Variants in DIRAS1 observed in about 807,000 individuals in gnomAD.
DIRAS1 encodes DIRAS family GTPase 1.
A neutral mutation model predicts 11.5 loss-of-function variants in DIRAS1; 3 were observed. The observed-to-expected ratio is 0.26, with a 90% CI of 0.12 to 0.67. The LOEUF (loss-of-function observed/expected upper bound fraction) is 0.67. Ranked by LOEUF, DIRAS1 falls within the 30% of genes least tolerant of loss-of-function variation. DIRAS1 has a pLI of 0.80. For missense variants in DIRAS1, 212 were observed against 285.3 expected, an observed-to-expected ratio of 0.74 and a Z score of 1.85; for synonymous variants, 128 against 125.8, an observed-to-expected ratio of 1.02 and a Z score of -0.12.
Position 2,717,504 on chromosome 19 carries a change from G to A in DIRAS1, c.303C>T (p.Tyr101=). 3.1e-6 allele frequency: 5 copies of A among 1,612,860 alleles called. No individual in the cohort carries two copies. The highest frequency in any genetic ancestry group is 4.2e-6 in the Non-Finnish European group (5 of 1,179,978). Residue 101 remains tyrosine, a synonymous_variant, in exon 2 of 2, where the codon TAC becomes TAT. Coordinates refer to ENST00000323469, the MANE Select transcript of DIRAS1 (RefSeq NM_145173.4). ...TGCCCTTGATCTGCACGATGAGCTT[G>A]TAGATGGGCCCCAGCTCCTCCAGCG... ...KQSLEELGPI[Y]KLIVQIKGSV... is the part of the protein sequence containing the mutation.
Position 2,717,408 on chromosome 19 carries a change from G to C in DIRAS1, c.399C>G (p.Arg133=). ...ACTCCTGGGCCACCGCCTGCGCCTC[G>C]CGCGTGTCCACCTCCCGCTGCGTCT... ...CDETQREVDT[R]EAQAVAQEWK... The change falls in exon 2 of 2, where the codon CGC becomes CGG. Residue 133 remains arginine, a synonymous_variant. Coordinates refer to ENST00000323469, the MANE Select transcript of DIRAS1 (RefSeq NM_145173.4). 2.5e-6 allele frequency: 4 copies of C among 1,607,674 alleles called. No individual in the cohort carries two copies. Among genetic ancestry groups the C allele is most frequent in the Non-Finnish European group, 3.4e-6 (4 of 1,179,984 alleles).
chr19:2,717,525 C>T lies in DIRAS1; in HGVS notation c.282G>A (p.Leu94=), dbSNP rs910246861. 9.9e-6 allele frequency: 16 copies of T among 1,612,996 alleles called. No individual in the cohort carries two copies. The Admixed American group carries it at 2.2e-4, about 22-fold the overall frequency. The change falls in exon 2 of 2, where the codon CTG becomes CTA. Residue 94 remains leucine, a synonymous_variant. Transcript: ENST00000323469. ...GCTTGTAGATGGGCCCCAGCTCCTC[C>T]AGCGACTGCTTGCTGGTGACGGAGA... ...LVFSVTSKQS[L]EELGPIYKLI... is the part of the protein sequence containing the mutation.
At position 2,716,221 on chromosome 19, in the gene DIRAS1, G is replaced by C. The variant is rs531064264; in HGVS notation, c.*989C>G. On this transcript the variant is annotated 3_prime_UTR_variant, in exon 2 of 2. Transcript: ENST00000323469. The stretch of plus-strand genomic sequence containing the variant: ...CTCGACTCCAGGACGCCACCTTCCC[G>C]GGCAGGCCCTGCTCTCTGGGGCACA... 1 of 152,360 alleles carries C rather than the reference G, an allele frequency of 6.6e-6. No individual in the cohort carries two copies. Among genetic ancestry groups the C allele is most frequent in the Non-Finnish European group, 1.5e-5 (1 of 68,132 alleles). 9.4% of individuals were successfully genotyped at this position (152,360 alleles called of 1,614,324 possible).
Position 2,718,115 on chromosome 19 carries a change from G to C in DIRAS1, c.-69-240C>G, listed in dbSNP as rs929993478. Among the ~76,000 whole-genome samples the C allele has an allele frequency of 2.6e-5, 4 of 152,232 alleles. No individual in the cohort carries two copies. The highest frequency in any genetic ancestry group is 6.5e-5 in the Admixed American group (1 of 15,282). ...AAATCTGGGGCCTGAGCTTCCCCGG[G>C]GGACGCTGAGCTAGGAGAGGCGTGG... On this transcript the variant is annotated intron_variant, in intron 1 of 1. Transcript: ENST00000323469. This position sits in a 1 kb window ranked among gnomAD's most constrained non-coding sequence, Gnocchi z 4.2.
intron 1 of DIRAS1, among the ~76,000 whole-genome samples, chr19:2,721,065 C>G (rs935952680): frequency 1.5e-5 from 2 of 134,418 alleles, no homozygotes; most frequent in African/African-American, 2.8e-5. Flanking sequence ...GGCAGGGGGG[C>G]GCCCTCCGGG....
chr19:2,719,501 G>A (rs1395233788), intron 1 of DIRAS1, among the ~76,000 whole-genome samples: 1 of 119,058 alleles, frequency 8.4e-6, no homozygotes, highest in Non-Finnish European at 1.7e-5. Flanking sequence ...GGTGGGGGAA[G>A]AACGCTGGGG....
At chr19:2,719,487 T>G (rs1348376217) in intron 1 of DIRAS1, among the ~76,000 whole-genome samples, 2 of 45,546 alleles carry the variant, frequency 4.4e-5, no homozygotes, top group African/African-American at 9.2e-5. Context: ...CCTGAAATGA[T>G]GGAGGTGGGG....
rs1913879502 is a variant in DIRAS1, at chr19:2,718,476, G to T, written c.-69-601C>A. Among the ~76,000 whole-genome samples, 1 of 152,214 alleles carries T rather than the reference G, an allele frequency of 6.6e-6. No individual in the cohort carries two copies. Among genetic ancestry groups the T allele is most frequent in the Non-Finnish European group, 1.5e-5 (1 of 68,044 alleles). On this transcript the variant is annotated intron_variant, in intron 1 of 1. Coordinates refer to ENST00000323469, the MANE Select transcript of DIRAS1 (RefSeq NM_145173.4). The surrounding 1 kb of genome is among the most constrained non-coding windows in gnomAD (Gnocchi z 4.2). ...CCGCAGCCCTAGGTGTGATGAATCG[G>T]TCGGCCAGGGCAACGGCCCTGGGAA...
chr19:2,718,149 G>A lies in DIRAS1; in HGVS notation c.-69-274C>T, dbSNP rs1418508444. 6.6e-6 allele frequency among the ~76,000 whole-genome samples: 1 copy of A among 152,220 alleles called. No individual in the cohort carries two copies. Among genetic ancestry groups the A allele is most frequent in the Non-Finnish European group, 1.5e-5 (1 of 68,042 alleles). On this transcript the variant is annotated intron_variant, in intron 1 of 1. Coordinates refer to ENST00000323469, the MANE Select transcript of DIRAS1 (RefSeq NM_145173.4). The surrounding 1 kb of genome is among the most constrained non-coding windows in gnomAD (Gnocchi z 4.2). The stretch of plus-strand genomic sequence containing the variant: ...AGCTAGGAGAGGCGTGGGAGACGCC[G>A]GGATGCCCACGAAACTCCTTCCCCG...
At position 2,717,022 on chromosome 19, in the gene DIRAS1, G is replaced by GAAGAA; in HGVS notation, c.*183_*187dup. 3.2e-6 allele frequency: 2 copies of GAAGAA among 619,804 alleles called. No individual in the cohort carries two copies. The highest frequency in any genetic ancestry group is 2.8e-6 in the Non-Finnish European group (1 of 358,566). 38.4% of individuals were successfully genotyped at this position (619,804 alleles called of 1,614,324 possible). On this transcript the variant is annotated 3_prime_UTR_variant, in exon 2 of 2. Transcript: ENST00000323469. ...GGAGGGTGGAGAGAGAGCAGGGGAG[G>GAAGAA]AAGAAAAGCCCCAGCCCTGCCTCGG...
Position 2,717,890 on chromosome 19 carries a change from G to A in DIRAS1, c.-69-15C>T, listed in dbSNP as rs754539587. The A allele has an allele frequency of 4.8e-5, 67 of 1,389,128 alleles. No individual in the cohort carries two copies. The highest frequency in any genetic ancestry group is 6.1e-5 in the Non-Finnish European group (63 of 1,036,100). 86.1% of individuals were successfully genotyped at this position (1,389,128 alleles called of 1,614,324 possible). A position where few individuals can be genotyped will look rare whatever the true frequency, so the allele number is the denominator to read the frequency against. On this transcript the variant is annotated splice_polypyrimidine_tract_variant and intron_variant, in intron 1 of 1. Coordinates refer to ENST00000323469, the MANE Select transcript of DIRAS1 (RefSeq NM_145173.4). ...CCAGACCGAGCCTGTGCAGAGAGGA[G>A]GGTCACACGTCAAAGGCCACCCAGG...
Position 2,715,292 on chromosome 19 carries a change from G to T in DIRAS1, c.*1918C>A, listed in dbSNP as rs564950930. 2 of 151,836 alleles carry T rather than the reference G, an allele frequency of 1.3e-5. No homozygotes were observed. The highest frequency in any genetic ancestry group is 2.9e-5 in the Non-Finnish European group (2 of 68,012). 9.4% of individuals were successfully genotyped at this position (151,836 alleles called of 1,614,324 possible). ...TCTCTCACTGCACAAAAGGGCGTGC[G>T]CACACACACACGTTGCTTCCTCACA... is the stretch of plus-strand genomic sequence containing the variant. On this transcript the variant is annotated 3_prime_UTR_variant, in exon 2 of 2. Coordinates refer to ENST00000323469, the MANE Select transcript of DIRAS1 (RefSeq NM_145173.4).
intron 1 of DIRAS1, among the ~76,000 whole-genome samples, chr19:2,720,311 A>C (rs1913924444): frequency 6.6e-6 from 1 of 152,178 alleles, no homozygotes; most frequent in Non-Finnish European, 1.5e-5. Context: ...CTGAAGCTCC[A>C]GCCCCCATGA....
Position 2,717,704 on chromosome 19 carries a change from T to C in DIRAS1, c.103A>G (p.Thr35Ala). 6.2e-7 allele frequency: 1 copy of C among 1,610,612 alleles called. No individual in the cohort carries two copies. The highest frequency in any genetic ancestry group is 8.5e-7 in the Non-Finnish European group (1 of 1,179,998). The change falls in exon 2 of 2, where the codon ACC becomes GCC. Residue 35 changes from threonine (T) to alanine (A), a missense_variant. By Grantham distance (58) the Thr-to-Ala change is moderately conservative (BLOSUM62 0). Coordinates refer to ENST00000323469, the MANE Select transcript of DIRAS1 (RefSeq NM_145173.4). ...GTGTCCTCGATGGTGGGGATGTAGG[T>C]GTCGCGGAACGTGCCCTTCACGAAG... ...LRFVKGTFRD[T>A]YIPTIEDTYR...
chr19:2,717,830 C>A lies in DIRAS1; in HGVS notation c.-24G>T, dbSNP rs749591195. On this transcript the variant is annotated 5_prime_UTR_variant, in exon 2 of 2. Transcript: ENST00000323469. ...ATCTTCCCCGCGGCGGGTGGGCGGCCGGGGCCGGGAGGGCTGGTGCCAGCT... is the reference window on the plus strand; with the variant it reads ...ATCTTCCCCGCGGCGGGTGGGCGGCAGGGGCCGGGAGGGCTGGTGCCAGCT... 1 of 1,568,662 alleles carries A rather than the reference C, an allele frequency of 6.4e-7. No homozygotes were observed. The highest frequency in any genetic ancestry group is 2.3e-5 in the East Asian group (1 of 43,894).
chr19:2,717,702 G>A lies in DIRAS1; in HGVS notation c.105C>T (p.Thr35=), dbSNP rs779906140. The change falls in exon 2 of 2, where the codon ACC becomes ACT. Residue 35 remains threonine, a synonymous_variant. Coordinates refer to ENST00000323469, the MANE Select transcript of DIRAS1 (RefSeq NM_145173.4). ...LRFVKGTFRD[T]YIPTIEDTYR... ...AGGTGTCCTCGATGGTGGGGATGTA[G>A]GTGTCGCGGAACGTGCCCTTCACGA... The A allele has an allele frequency of 3.7e-6, 6 of 1,610,726 alleles. No individual in the cohort carries two copies. In the East Asian group the frequency reaches 1.3e-4, roughly 36 times the overall value.
exon 1 of DIRAS1, chr19:2,721,366 CGCCGCCGCCCCCCGCCCGCCCGA>C (rs1301239890): frequency 3.4e-5 from 5 of 146,406 alleles, no homozygotes; most frequent in Admixed American, 1.4e-4. Flanking sequence ...TGTCCGCTGG[CGCCGCCGCCCCCCGCCCGCCCGA>C]GCCGCCGCAG....
At chr19:2,720,663 G>C (rs1007035767) in intron 1 of DIRAS1, among the ~76,000 whole-genome samples, 1 of 152,164 alleles carries the variant, frequency 6.6e-6, no homozygotes. Flanking sequence ...CGTGGTTGGT[G>C]GGGGCGGGGG....
At position 2,715,499 on chromosome 19, in the gene DIRAS1, G is replaced by A. The variant is rs552775432; in HGVS notation, c.*1711C>T. 6.6e-6 allele frequency: 1 copy of A among 152,130 alleles called. No individual in the cohort carries two copies. Among genetic ancestry groups the A allele is most frequent in the African/African-American group, 2.4e-5 (1 of 41,418 alleles). The allele number at this position is 152,130 out of a possible 1,614,324, so 9.4% of individuals were successfully genotyped here. A position where few individuals can be genotyped will look rare whatever the true frequency, so the allele number is the denominator to read the frequency against. ...GAACTGAATGCTGCAACAACCACAT[G>A]AGCTTCTAAGAAGCAAATCCTTCCC... On this transcript the variant is annotated 3_prime_UTR_variant, in exon 2 of 2. Coordinates refer to ENST00000323469, the MANE Select transcript of DIRAS1 (RefSeq NM_145173.4).
Sources: allele counts gnomAD v4.1 joint callset (sites outside exome capture counted in the v4.1 genomes callset), GRCh38; gene constraint gnomAD v4.1.1; non-coding constraint Gnocchi (gnomAD v3.1); transcripts MANE v1.5; gene names NCBI Gene and HGNC (gene_info 2026-07-23, HGNC 2026-07-21).